Variants in COL3A1 observed in about 807,000 individuals in gnomAD.
The protein encoded by COL3A1 is collagen type III alpha 1 chain.
COL3A1 carries 46 observed loss-of-function variants against 200.9 expected under a neutral mutation model. The ratio of observed to expected loss-of-function variants is 0.23; its 90% CI spans 0.18 to 0.29. COL3A1 has a LOEUF of 0.29. Ranked by LOEUF, COL3A1 falls within the 10% of genes least tolerant of loss-of-function variation. The pLI is 1.00. For missense variants in COL3A1, 1,367 were observed against 1,917.6 expected, an observed-to-expected ratio of 0.71 and a Z score of 5.36; for synonymous variants, 650 against 628.0, an observed-to-expected ratio of 1.03 and a Z score of -0.52.
intron 22 of COL3A1, 107 bp downstream of exon 22, chr2:188,995,897 G>A: frequency 2.7e-6 from 3 of 1,096,706 alleles, no homozygotes; most frequent in Non-Finnish European, 4.0e-6. Flanking sequence ...TACATATTTT[G>A]TAAGGCACCA....
chr2:188,995,411 T>C (rs1688283766), intron 21 of COL3A1, among the ~76,000 whole-genome samples: 1 of 152,234 alleles, frequency 6.6e-6, no homozygotes, highest in Non-Finnish European at 1.5e-5. Context: ...TCAAATATGA[T>C]TTCATAGCAT....
rs543665844 is a variant in COL3A1 at position 188,983,546 on chromosome 2, G to C, written c.80-1214G>C. 7.2e-5 allele frequency among the ~76,000 whole-genome samples: 11 copies of C among 151,978 alleles called. 1 individual carries two copies. The South Asian group carries it at 1.7e-3, about 23-fold the overall frequency. ...TGATATAGCAACGGGACCTCGAAAA[G>C]GTGATCTTTTGTGGCTGCATGTAGT... On this transcript the variant is annotated intron_variant, in intron 1 of 50. Transcript: ENST00000304636.
intron 21 of COL3A1, 69 bp downstream of exon 21, chr2:188,995,168 C>T: frequency 7.0e-7 from 1 of 1,432,664 alleles, no homozygotes; most frequent in Non-Finnish European, 9.8e-7. Flanking sequence ...TATACAATTT[C>T]TCATTCATGA....
At chr2:188,992,150 T>G (rs1188474151) in intron 13 of COL3A1, 34 bp from the exon 14 acceptor site, 1 of 1,611,676 alleles carries the variant, frequency 6.2e-7, no homozygotes, top group Admixed American at 1.7e-5. Flanking sequence ...CATTCAGAAT[T>G]AAAAGGATAT....
chr2:188,985,164 T>A (rs1401220549), intron 2 of COL3A1, 33 bp from the exon 3 acceptor site: 2 of 1,603,370 alleles, frequency 1.2e-6, no homozygotes, highest in Non-Finnish European at 1.7e-6. Flanking sequence ...AAATTCTGTG[T>A]CTTGTTTAAC....
At chr2:189,010,460 A>G (rs1040076370) in intron 49 of COL3A1, 95 bp downstream of exon 49, 1 of 1,532,914 alleles carries the variant, frequency 6.5e-7, no homozygotes, top group Non-Finnish European at 9.0e-7. Context: ...CTAGGTTGGT[A>G]CAAACATAAT....
At chr2:189,008,384 T>G in intron 47 of COL3A1, 1 of 536,044 alleles carries the variant, frequency 1.9e-6, no homozygotes, top group Non-Finnish European at 3.3e-6. Context: ...TAATGACATC[T>G]GCCCAATTAA....
chr2:189,002,726 C>T (rs1216771749), intron 35 of COL3A1, among the ~76,000 whole-genome samples: 2 of 152,190 alleles, frequency 1.3e-5, no homozygotes, highest in African/African-American at 4.8e-5. Flanking sequence ...GACACTTCCT[C>T]CCTCCCTAAT....
At chr2:188,997,889 A>G in intron 27 of COL3A1, 136 bp downstream of exon 27, 1 of 771,260 alleles carries the variant, frequency 1.3e-6, no homozygotes, top group Non-Finnish European at 2.3e-6. Flanking sequence ...GGCAATGTTA[A>G]TAGGTAGGCA....
At chr2:189,003,670 T>C in intron 37 of COL3A1, 64 bp from the exon 38 acceptor site, 2 of 1,551,050 alleles carry the variant, frequency 1.3e-6, no homozygotes, top group Non-Finnish European at 1.8e-6. Flanking sequence ...ACATTATACT[T>C]TTTGTTTGTT....
intron 22 of COL3A1, 149 bp from the exon 23 acceptor site, chr2:188,995,976 T>C: frequency 1.1e-6 from 1 of 897,160 alleles, no homozygotes; most frequent in Non-Finnish European, 1.7e-6. Context: ...ATAGAACACT[T>C]GCCTTAGATA....
rs1368471334 is a variant in COL3A1, at chr2:189,011,361, C to T, written c.4255-267C>T. Reference sequence around the variant, plus strand: ...CATTTATAAACCTGTTAGCAATGGCCGGAACCAGGCCTCCTGAGGATGCAC... The same window carrying T: ...CATTTATAAACCTGTTAGCAATGGCTGGAACCAGGCCTCCTGAGGATGCAC... On this transcript the variant is annotated intron_variant, in intron 50 of 50. Coordinates refer to ENST00000304636, the MANE Select transcript of COL3A1 (RefSeq NM_000090.4). Among the ~76,000 whole-genome samples the T allele has an allele frequency of 7.9e-5, 12 of 152,286 alleles. No homozygotes were observed. In the East Asian group the frequency reaches 2.3e-3, roughly 29 times the overall value.
chr2:189,003,323 T>G (rs1215985133), intron 36 of COL3A1, 88 bp from the exon 37 acceptor site: 1 of 1,145,562 alleles, frequency 8.7e-7, no homozygotes, highest in African/African-American at 1.5e-5. Context: ...AACCTCTTCA[T>G]AGAGTTCCTG....
At chr2:189,011,401 T>G (rs1369574906) in intron 50 of COL3A1, among the ~76,000 whole-genome samples, 7 of 152,226 alleles carry the variant, frequency 4.6e-5, no homozygotes, top group African/African-American at 1.7e-4. Flanking sequence ...CTATAGCAAT[T>G]GCCCTGCTGC....
intron 4 of COL3A1, among the ~76,000 whole-genome samples, chr2:188,986,017 T>G (rs950475127): frequency 3.3e-5 from 5 of 152,020 alleles, no homozygotes; most frequent in Admixed American, 3.3e-4. Flanking sequence ...GAAAATTTGC[T>G]AATTTCTCAG....
At chr2:188,993,534 C>G in intron 16 of COL3A1, 75 bp downstream of exon 16, 2 of 1,219,662 alleles carry the variant, frequency 1.6e-6, no homozygotes, top group Non-Finnish European at 2.3e-6. Context: ...ATGCTTACTC[C>G]ATGAAAGCAT....
At chr2:188,987,977 T>C (rs1039495467) in intron 5 of COL3A1, 104 bp from the exon 6 acceptor site, 2 of 849,104 alleles carry the variant, frequency 2.4e-6, no homozygotes, top group Non-Finnish European at 4.0e-6. Flanking sequence ...AGATGAGATA[T>C]AGTTGTTCAT....
At chr2:188,996,205 TA>T in intron 23 of COL3A1, 27 bp downstream of exon 23, 2 of 1,603,562 alleles carry the variant, frequency 1.2e-6, no homozygotes, top group South Asian at 2.2e-5. Flanking sequence ...AATCTCATTT[TA>T]AAAGGCCAGT....
intron 7 of COL3A1, 125 bp downstream of exon 7, chr2:188,988,768 A>G (rs1688115694): frequency 5.9e-6 from 4 of 680,906 alleles, no homozygotes; most frequent in South Asian, 5.5e-5. Context: ...TTTGTAAATA[A>G]CGAATAGCAT....
Sources: allele counts gnomAD v4.1 joint callset (sites outside exome capture counted in the v4.1 genomes callset), GRCh38; gene constraint gnomAD v4.1.1; transcripts MANE v1.5; gene names NCBI Gene and HGNC (gene_info 2026-07-23, HGNC 2026-07-21).